The following SAMMSON variants were observed in gnomAD, a reference collection of about 807,000 sequenced individuals.
SAMMSON encodes the protein long intergenic non-protein coding RNA 1212.
chr3:70,368,091 A>G (rs1043001767), intron 9 of SAMMSON, among the ~76,000 whole-genome samples: 3 of 151,306 alleles, frequency 2.0e-5, no homozygotes, highest in African/African-American at 7.3e-5. Flanking sequence ...TGTCTTTTGC[A>G]GAGCAGAAAT....
chr3:70,201,024 C>CTT (rs369942493), intron 4 of SAMMSON, among the ~76,000 whole-genome samples: 3 of 147,468 alleles, frequency 2.0e-5, no homozygotes, highest in Admixed American at 6.8e-5. Context: ...TGTTTTGTAA[C>CTT]TTTTTTTTTT....
At chr3:70,333,453 G>A (rs1435808796) in intron 7 of SAMMSON, among the ~76,000 whole-genome samples, 1 of 152,038 alleles carries the variant, frequency 6.6e-6, no homozygotes, top group Non-Finnish European at 1.5e-5. Flanking sequence ...AGACATAAAT[G>A]GGAACTTTCA....
chr3:70,051,569 T>C (rs2067146520), intron 3 of SAMMSON, among the ~76,000 whole-genome samples: 1 of 151,656 alleles, frequency 6.6e-6, no homozygotes, highest in South Asian at 2.1e-4. Context: ...TAGCGTTATA[T>C]TTATGGACAC....
At chr3:70,428,564 C>T (rs1030439131) in intron 2 of SAMMSON, among the ~76,000 whole-genome samples, 1 of 152,114 alleles carries the variant, frequency 6.6e-6, no homozygotes, top group Non-Finnish European at 1.5e-5. Context: ...AATGCTAATG[C>T]GAGTGTTGTA....
intron 7 of SAMMSON, among the ~76,000 whole-genome samples, chr3:70,339,732 A>G (rs897142610): frequency 6.6e-6 from 1 of 152,162 alleles, no homozygotes; most frequent in African/African-American, 2.4e-5. Flanking sequence ...TAGAATGGCG[A>G]TCATTAAAAA....
intron 4 of SAMMSON, among the ~76,000 whole-genome samples, chr3:70,225,242 A>G (rs1701492453): frequency 1.3e-5 from 2 of 152,168 alleles, no homozygotes; most frequent in Non-Finnish European, 2.9e-5. Context: ...ATATGTCAAT[A>G]TGTTTTTCAA....
At chr3:70,276,195 T>C (rs1242574724) in intron 6 of SAMMSON, among the ~76,000 whole-genome samples, 3 of 152,186 alleles carry the variant, frequency 2.0e-5, no homozygotes, top group Non-Finnish European at 4.4e-5. Context: ...GTTCAATAAA[T>C]ATTTGTTCAG....
chr3:70,259,152 T>C (rs528550621), intron 6 of SAMMSON, among the ~76,000 whole-genome samples: 1 of 152,234 alleles, frequency 6.6e-6, no homozygotes, highest in Non-Finnish European at 1.5e-5. Context: ...AGGCCCTTTT[T>C]CATATGTGGT....
chr3:70,412,716 GA>G, intron 2 of SAMMSON, among the ~76,000 whole-genome samples: 1 of 152,232 alleles, frequency 6.6e-6, no homozygotes, highest in East Asian at 1.9e-4. Flanking sequence ...TGGTAGATTA[GA>G]GTCTACTTAG....
In SAMMSON at chr3:70,203,623, C is replaced by G. The variant is rs114928616; in HGVS notation, n.508-45484C>G. Among the ~76,000 whole-genome samples, 389 of 152,140 alleles carry G rather than the reference C, an allele frequency of 2.6e-3. 2 individuals carry two copies. The highest frequency in any genetic ancestry group is 9.2e-3 in the African/African-American group (381 of 41,506). Reference sequence around the variant, plus strand: ...AATTGAAACATTTTATAAGGTGACACTGGTGCATTTAATTGTATGAAATTT... The same window carrying G: ...AATTGAAACATTTTATAAGGTGACAGTGGTGCATTTAATTGTATGAAATTT... On this transcript the variant is annotated intron_variant and non_coding_transcript_variant, in intron 4 of 9. Transcript: ENST00000642114.
chr3:70,303,193 C>T (rs1046580832), intron 7 of SAMMSON, among the ~76,000 whole-genome samples: 1 of 152,044 alleles, frequency 6.6e-6, no homozygotes, highest in African/African-American at 2.4e-5. Flanking sequence ...TTAGAGTAGA[C>T]ATTATGTTGG....
At chr3:70,413,904 G>T (rs924331704) in intron 2 of SAMMSON, among the ~76,000 whole-genome samples, 1 of 152,004 alleles carries the variant, frequency 6.6e-6, no homozygotes, top group Admixed American at 6.6e-5. Flanking sequence ...TACCTTTACA[G>T]TCTGTCTAAA....
intron 3 of SAMMSON, among the ~76,000 whole-genome samples, chr3:70,031,622 T>C (rs2067066410): frequency 6.6e-6 from 1 of 152,172 alleles, no homozygotes; most frequent in African/African-American, 2.4e-5. Flanking sequence ...AAGCTAAGTA[T>C]AGGCATTGCT....
At chr3:70,278,413 G>A (rs1702049125) in intron 6 of SAMMSON, among the ~76,000 whole-genome samples, 2 of 152,144 alleles carry the variant, frequency 1.3e-5, no homozygotes, top group Admixed American at 1.3e-4. Flanking sequence ...AAACACTGGG[G>A]AGGAAGCCCA....
At chr3:70,062,517 G>A (rs533105658) in intron 3 of SAMMSON, among the ~76,000 whole-genome samples, 1 of 152,184 alleles carries the variant, frequency 6.6e-6, no homozygotes, top group South Asian at 2.1e-4. Flanking sequence ...ACAGTAGCAG[G>A]CACATAGTGG....
rs61561713 is a variant in SAMMSON at position 70,108,423 on chromosome 3, C to CTTTTTTTTTTTTTTTTTTTTTTTTTTTTT, written n.507+36876_507+36877insTTTTTTTTTTTTTTTTTTTTTTTTTTTTT. On this transcript the variant is annotated intron_variant and non_coding_transcript_variant, in intron 4 of 9. Transcript: ENST00000642114. ...TAGTGTTTCTCAACTCTTGCGGTTC[C>CTTTTTTTTTTTTTTTTTTTTTTTTTTTTT]TTTTTTTTTTTTTTTTTTATCATAA... 1.5e-3 allele frequency among the ~76,000 whole-genome samples: 130 copies of CTTTTTTTTTTTTTTTTTTTTTTTTTTTTT among 89,342 alleles called. 13 individuals carry two copies. Among genetic ancestry groups the CTTTTTTTTTTTTTTTTTTTTTTTTTTTTT allele is most frequent in the Non-Finnish European group, 2.2e-3 (99 of 45,216 alleles). 58.6% of individuals were successfully genotyped at this position (89,342 alleles called of 152,430 possible).
intron 2 of SAMMSON, among the ~76,000 whole-genome samples, chr3:70,410,449 C>T (rs535306106): frequency 6.4e-4 from 98 of 152,188 alleles, no homozygotes; most frequent in African/African-American, 2.2e-3. Context: ...ATATCAAGTA[C>T]GTGGTCTATT....
At chr3:70,043,970 T>C (rs1443421922) in intron 3 of SAMMSON, among the ~76,000 whole-genome samples, 2 of 152,072 alleles carry the variant, frequency 1.3e-5, no homozygotes, top group African/African-American at 4.8e-5. Flanking sequence ...CTTTTTTAGG[T>C]ATTCCTTTTT....
At chr3:70,231,569 C>G (rs1461022620) in intron 4 of SAMMSON, among the ~76,000 whole-genome samples, 2 of 152,138 alleles carry the variant, frequency 1.3e-5, no homozygotes, top group African/African-American at 4.8e-5. Context: ...GGATGATTAC[C>G]CCTTAATGGG....
Sources: gnomAD v4.1 joint callset for allele counts (sites outside exome capture counted in the v4.1 genomes callset) on GRCh38, gnomAD v4.1.1 for gene constraint, MANE v1.5 for transcripts, NCBI Gene and HGNC (gene_info 2026-07-23, HGNC 2026-07-21) for gene names.